Variants in ABCG5 observed in about 807,000 individuals in gnomAD.
ABCG5 encodes ATP-binding cassette sub-family G member 5.
A neutral mutation model predicts 64.5 loss-of-function variants in ABCG5; 64 were observed. That is an observed-to-expected ratio of 0.99 (90% CI 0.81 to 1.22). The LOEUF (loss-of-function observed/expected upper bound fraction) is 1.22, where lower values mean the gene tolerates loss of function less well. Among genes scored for constraint, ABCG5 ranks in the 50% most tolerant of loss-of-function variants. The pLI, the probability that ABCG5 is intolerant of heterozygous loss-of-function variation, is 0.00. For missense variants in ABCG5, 908 were observed against 829.5 expected (o/e 1.09, Z -1.16); for synonymous variants, 385 against 326.3 (o/e 1.18, Z -1.94).
intron 4 of ABCG5, among the ~76,000 whole-genome samples, chr2:43,831,415 C>T (rs1303810045): frequency 1.3e-5 from 2 of 152,184 alleles, no homozygotes; most frequent in East Asian, 3.8e-4. Context: ...TCAAGCAATC[C>T]TCCCATCTTG....
In ABCG5 at chr2:43,820,055, A is replaced by G. The variant is rs1667087293; in HGVS notation, c.1509T>C (p.Ser503=). 1 of 1,614,126 alleles carries G rather than the reference A, an allele frequency of 6.2e-7. No individual in the cohort carries two copies. The highest frequency in any genetic ancestry group is 8.5e-7 in the Non-Finnish European group (1 of 1,180,058). ...TTAAGTGGGGGGCCAAGAGAGCAGC[A>G]GAAAAATATCCAAATCGGGCAACCT... is the stretch of plus-strand genomic sequence containing the variant. The part of the protein sequence containing the change: ...HPEVARFGYF[S]AALLAPHLIG... The change falls in exon 11 of 13, where the codon TCT becomes TCC. Residue 503 remains serine, a synonymous_variant. Coordinates refer to ENST00000405322, the MANE Select transcript of ABCG5 (RefSeq NM_022436.3).
At chr2:43,809,643 A>T, downstream of ABCG5, 1 of 1,183,760 alleles carries the variant, frequency 8.4e-7, no homozygotes, top group Non-Finnish European at 1.2e-6. Context: ...AGGCAGTTTT[A>T]AGGTGCCTCC....
intron 12 of ABCG5, 115 bp from the exon 13 acceptor site, chr2:43,813,424 C>G: frequency 1.3e-6 from 1 of 765,026 alleles, no homozygotes; most frequent in Non-Finnish European, 2.3e-6. Context: ...GACACTTTAG[C>G]AAGCCCAGAG....
chr2:43,834,583 A>G (rs956326944), intron 2 of ABCG5, among the ~76,000 whole-genome samples: 15 of 152,272 alleles, frequency 9.9e-5, no homozygotes, highest in African/African-American at 3.4e-4. Flanking sequence ...TGAGGGAACC[A>G]GCAAGATGAC....
At chr2:43,811,961 T>C (rs559654414), downstream of ABCG5, among the ~76,000 whole-genome samples, 1 of 152,320 alleles carries the variant, frequency 6.6e-6, no homozygotes, top group African/African-American at 2.4e-5. Flanking sequence ...GGTGTCTGTA[T>C]TTATACATAT....
intron 4 of ABCG5, chr2:43,828,560 G>T: frequency 2.9e-6 from 1 of 348,176 alleles, no homozygotes; most frequent in Non-Finnish European, 5.4e-6. Flanking sequence ...TACTCAGGAT[G>T]CTTAGGCAGG....
At chr2:43,833,295 T>C (rs1668062269) in intron 2 of ABCG5, among the ~76,000 whole-genome samples, 4 of 152,036 alleles carry the variant, frequency 2.6e-5, no homozygotes, top group Admixed American at 6.6e-5. Flanking sequence ...CTGAACTATC[T>C]GGGAAGATAG....
intron 11 of ABCG5, among the ~76,000 whole-genome samples, chr2:43,817,678 G>A (rs772753595): frequency 2.0e-5 from 3 of 152,098 alleles, no homozygotes; most frequent in Non-Finnish European, 4.4e-5. Context: ...GGGAGGCCAA[G>A]GCAGGCAGAT....
At chr2:43,807,519 A>G (rs1205529919), downstream of ABCG5, among the ~76,000 whole-genome samples, 1 of 151,860 alleles carries the variant, frequency 6.6e-6, no homozygotes, top group Non-Finnish European at 1.5e-5. Flanking sequence ...GGCTCACTGC[A>G]ACCTTGAACT....
rs1457887859 is a variant in ABCG5 at position 43,823,929 on chromosome 2, C to A, written c.1308G>T (p.Leu436=). The A allele has an allele frequency of 6.2e-7, 1 of 1,614,178 alleles. No individual in the cohort carries two copies. The highest frequency in any genetic ancestry group is 2.2e-5 in the East Asian group (1 of 44,880). Residue 436 remains leucine (L), a synonymous_variant, in exon 9 of 13, where the codon CTG becomes CTT. Transcript: ENST00000405322. ...FVGATPYTGM[L]NAVNLFPVLR... Reference sequence around the variant, plus strand: ...GGCACTTACACAGATTCACAGCGTTCAGCATGCCTGTGTACGGGGTGGCGC... The same window carrying A: ...GGCACTTACACAGATTCACAGCGTTAAGCATGCCTGTGTACGGGGTGGCGC...
At chr2:43,818,986 C>G (rs966028565) in intron 11 of ABCG5, among the ~76,000 whole-genome samples, 2 of 152,134 alleles carry the variant, frequency 1.3e-5, no homozygotes, top group African/African-American at 4.8e-5. Context: ...TGCGTCACAG[C>G]CTTCATAGTG....
downstream of ABCG5, among the ~76,000 whole-genome samples, chr2:43,809,103 C>T (rs544683143): frequency 8.6e-5 from 13 of 151,818 alleles, no homozygotes; most frequent in African/African-American, 2.9e-4. Context: ...ATCCTCCCAC[C>T]TCAGACTCCC....
intron 5 of ABCG5, 27 bp downstream of exon 5, chr2:43,827,956 C>T: frequency 1.2e-6 from 2 of 1,613,406 alleles, no homozygotes; most frequent in Non-Finnish European, 8.5e-7. Flanking sequence ...CAGACAGCAG[C>T]TAGTAACAGT....
the ABCG5 span, among the ~76,000 whole-genome samples, chr2:43,806,553 T>C: frequency 6.6e-6 from 1 of 152,212 alleles, no homozygotes; most frequent in South Asian, 2.1e-4. Context: ...TATGTAACCC[T>C]TATTATGTTT....
At chr2:43,826,657 A>G (rs1667626263) in intron 5 of ABCG5, 136 bp from the exon 6 acceptor site, 1 of 1,366,944 alleles carries the variant, frequency 7.3e-7, no homozygotes, top group South Asian at 1.2e-5. Context: ...AAACATGTAA[A>G]CTGGCTTTCA....
chr2:43,822,934 A>T lies in ABCG5; in HGVS notation c.1326T>A (p.Phe442Leu). 1 of 1,613,714 alleles carries T rather than the reference A, an allele frequency of 6.2e-7. No individual in the cohort carries two copies. Residue 442 changes from phenylalanine to leucine, a missense_variant and splice_region_variant, in exon 10 of 13, where the codon TTT becomes TTA. By Grantham distance (22) the Phe-to-Leu change is conservative (BLOSUM62 0). Transcript: ENST00000405322. The stretch of plus-strand genomic sequence containing the variant: ...GGTCGCTGACAGCTCGCAGCACGGG[A>T]ACTGGGGATGGAAGGCAGGTTTCAG... ...YTGMLNAVNL[F>L]PVLRAVSDQE...
chr2:43,813,991 C>T (rs1558716494), intron 12 of ABCG5, among the ~76,000 whole-genome samples: 1 of 152,112 alleles, frequency 6.6e-6, no homozygotes, highest in Non-Finnish European at 1.5e-5. Context: ...GCTGGGATTA[C>T]AGGCGTGAGC....
chr2:43,817,479 ACT>A (rs1258139034), intron 11 of ABCG5, among the ~76,000 whole-genome samples: 1 of 149,772 alleles, frequency 6.7e-6, no homozygotes, highest in Non-Finnish European at 1.5e-5. Context: ...AGTGAGTGAG[ACT>A]CTGCGTCAAG....
At chr2:43,809,066 G>C (rs79470871), downstream of ABCG5, among the ~76,000 whole-genome samples, 427 of 151,962 alleles carry the variant, frequency 2.8e-3, 17 homozygotes, top group East Asian at 0.074. Flanking sequence ...ACAGTTTACT[G>C]CAGCCTTGGC....
Sources: allele counts gnomAD v4.1 joint callset (sites outside exome capture counted in the v4.1 genomes callset), GRCh38; gene constraint gnomAD v4.1.1; transcripts MANE v1.5; gene names NCBI Gene and HGNC (gene_info 2026-07-23, HGNC 2026-07-21).